CTSC: variants seen among roughly 807,000 people sequenced by gnomAD.
The protein encoded by CTSC is dipeptidyl peptidase 1.
Under a neutral mutation model 40.9 loss-of-function variants are expected in CTSC, and 37 were observed. The ratio of observed to expected loss-of-function variants is 0.91; its 90% confidence interval spans 0.70 to 1.19. The LOEUF (loss-of-function observed/expected upper bound fraction) is 1.19, where lower values mean the gene tolerates loss of function less well. Among genes scored for constraint, CTSC ranks in the 50% most tolerant of loss-of-function variants. The pLI is 0.00. For missense variants in CTSC, 594 were observed against 567.3 expected, an observed-to-expected ratio of 1.05 and a Z score of -0.48; for synonymous variants, 232 against 207.4, an observed-to-expected ratio of 1.12 and a Z score of -1.02.
At chr11:88,336,438 C>T (rs217081) in intron 1 of CTSC, among the ~76,000 whole-genome samples, 133,393 of 150,912 alleles carry the variant, frequency 0.88, 59,148 homozygotes, top group East Asian at 1. Flanking sequence ...ACTCGGGAGA[C>T]TGAGGCAGGA....
intron 1 of CTSC, 132 bp from the exon 2 acceptor site, chr11:88,335,214 T>C: frequency 1.5e-6 from 1 of 688,990 alleles, no homozygotes; most frequent in East Asian, 2.7e-5. Flanking sequence ...GTCTGCCTAG[T>C]GAAGAAACCA....
chr11:88,295,128 T>C (rs1440959635), intron 6 of CTSC, among the ~76,000 whole-genome samples: 2 of 152,206 alleles, frequency 1.3e-5, no homozygotes, highest in African/African-American at 4.8e-5. Flanking sequence ...TTCATGAGGA[T>C]AAAGATTGTC....
At chr11:88,324,933 G>T (rs1421302921) in intron 2 of CTSC, 1 of 985,134 alleles carries the variant, frequency 1.0e-6, no homozygotes, top group Non-Finnish European at 1.2e-6. Context: ...ATACCTCTCA[G>T]ATCATACAAA....
chr11:88,300,520 ATTT>A lies in CTSC; in HGVS notation c.757+7_757+9del. 6.5e-7 allele frequency: 1 copy of A among 1,543,740 alleles called. No homozygotes were observed. The highest frequency in any genetic ancestry group is 9.0e-7 in the Non-Finnish European group (1 of 1,115,858). On this transcript the variant is annotated splice_region_variant and intron_variant, in intron 5 of 6. Coordinates refer to ENST00000227266, the MANE Select transcript of CTSC (RefSeq NM_001814.6). ...ACAAATTAACAAAAAACTTAGGCTT[ATTT>A]TTTTACCTTGGTTTCGAACAGGACT...
Position 88,294,318 on chromosome 11 carries a change from C to A in CTSC, c.1080G>T (p.Met360Ile). The A allele has an allele frequency of 1.2e-6, 2 of 1,614,170 alleles. No homozygotes were observed. The highest frequency in any genetic ancestry group is 1.7e-6 in the Non-Finnish European group (2 of 1,180,018). ...GFYGGCNEAL[M>I]KLELVHHGPM... ...GCCCATGATGGACCAACTCAAGCTT[C>A]ATCAGGGCTTCATTGCAGCCTCCAT... is the stretch of plus-strand genomic sequence containing the variant. Residue 360 changes from methionine to isoleucine, a missense_variant, in exon 7 of 7, where the codon ATG becomes ATT. Transcript: ENST00000227266.
chr11:88,329,019 C>T (rs939166170), intron 2 of CTSC, among the ~76,000 whole-genome samples: 11 of 152,182 alleles, frequency 7.2e-5, no homozygotes, highest in Non-Finnish European at 1.3e-4. Context: ...TTCACTATCA[C>T]CAAATAAAAT....
chr11:88,324,696 G>A (rs1456641852), intron 2 of CTSC: 6 of 985,074 alleles, frequency 6.1e-6, no homozygotes, highest in Non-Finnish European at 6.0e-6. Flanking sequence ...AGCATGGCAT[G>A]AAAGCAGAGG....
intron 6 of CTSC, 95 bp downstream of exon 6, chr11:88,296,038 C>T: frequency 7.6e-7 from 1 of 1,309,178 alleles, no homozygotes; most frequent in Non-Finnish European, 1.1e-6. Flanking sequence ...AGACACTGCG[C>T]TCTCTCTACT....
At chr11:88,329,445 G>T (rs1396655476) in intron 2 of CTSC, among the ~76,000 whole-genome samples, 1 of 105,764 alleles carries the variant, frequency 9.5e-6, no homozygotes, top group Non-Finnish European at 1.8e-5. Flanking sequence ...GACAGAGCTA[G>T]ACTCCATTTC....
intron 2 of CTSC, among the ~76,000 whole-genome samples, chr11:88,330,146 G>A (rs1467569092): frequency 6.6e-6 from 1 of 152,158 alleles, no homozygotes; most frequent in Non-Finnish European, 1.5e-5. Flanking sequence ...GTTTTGGCCA[G>A]CCCAGTGTTT....
rs1328604864 is a variant in CTSC at position 88,337,491 on chromosome 11, G to A, written c.172+10C>T. On this transcript the variant is annotated intron_variant, in intron 1 of 6. Transcript: ENST00000227266. ...GGACGACCCGGAGGACTGCCGAGCC[G>A]GCGGCTTACCCATAACCGAGCAGTT... The A allele has an allele frequency of 6.4e-7, 1 of 1,565,502 alleles. No homozygotes were observed. The highest frequency in any genetic ancestry group is 8.7e-7 in the Non-Finnish European group (1 of 1,154,302).
At chr11:88,320,177 T>G (rs1441037587) in intron 2 of CTSC, among the ~76,000 whole-genome samples, 1 of 152,292 alleles carries the variant, frequency 6.6e-6, no homozygotes, top group East Asian at 1.9e-4. Flanking sequence ...CAGGAAATAG[T>G]TACAGTGGTT....
intron 5 of CTSC, 58 bp from the exon 6 acceptor site, chr11:88,296,322 AT>A: frequency 1.2e-6 from 2 of 1,606,796 alleles, no homozygotes; most frequent in Admixed American, 1.7e-5. Flanking sequence ...ACAGAGAATC[AT>A]GCAAAAACCT....
chr11:88,296,409 A>G, intron 5 of CTSC, 145 bp from the exon 6 acceptor site: 5 of 999,192 alleles, frequency 5.0e-6, no homozygotes, highest in Non-Finnish European at 7.6e-6. Context: ...AGACTCAACT[A>G]ACAAGCATTG....
At chr11:88,328,786 C>A (rs1460596636) in intron 2 of CTSC, among the ~76,000 whole-genome samples, 1 of 152,058 alleles carries the variant, frequency 6.6e-6, no homozygotes, top group East Asian at 1.9e-4. Flanking sequence ...CACCACCACA[C>A]CCGGCTACTT....
chr11:88,316,548 T>C lies in CTSC; in HGVS notation c.319-3994A>G, dbSNP rs182373564. Among the ~76,000 whole-genome samples the C allele has an allele frequency of 9.4e-3, 1,429 of 152,206 alleles. 8 individuals carry two copies. The highest frequency in any genetic ancestry group is 0.024 in the South Asian group (118 of 4,828). ...ACAGACTATATCTCATGGGCTGTGT[T>C]TTATGTATACTAACTCATTTATTTT... On this transcript the variant is annotated intron_variant, in intron 2 of 6. Transcript: ENST00000227266.
intron 4 of CTSC, among the ~76,000 whole-genome samples, chr11:88,301,810 G>GCGCACA (rs1555026739): frequency 7.6e-5 from 9 of 118,170 alleles, no homozygotes; most frequent in Admixed American, 2.3e-4. Flanking sequence ...ACACACGCGC[G>GCGCACA]CACACACACA....
At chr11:88,335,466 T>C (rs375315169) in intron 1 of CTSC, among the ~76,000 whole-genome samples, 15 of 152,146 alleles carry the variant, frequency 9.9e-5, no homozygotes, top group East Asian at 7.7e-4. Context: ...TCCCAGCTAT[T>C]TGAGCGGCTG....
chr11:88,316,475 C>CTAAA (rs4002985), intron 2 of CTSC, among the ~76,000 whole-genome samples: 46,205 of 144,992 alleles, frequency 0.32, 7,940 homozygotes, highest in Middle Eastern at 0.43. Flanking sequence ...GATCCATTCT[C>CTAAA]TAAATAAATA....
Sources: gnomAD v4.1 joint callset for allele counts (sites outside exome capture counted in the v4.1 genomes callset) on GRCh38, gnomAD v4.1.1 for gene constraint, MANE v1.5 for transcripts, NCBI Gene and HGNC (gene_info 2026-07-23, HGNC 2026-07-21) for gene names.